Variants in FOXP1 observed in about 807,000 individuals in gnomAD.
FOXP1 encodes forkhead box protein P1.
A neutral mutation model predicts 98.2 loss-of-function variants in FOXP1; 15 were observed. The ratio of observed to expected loss-of-function variants is 0.15; its 90% CI spans 0.10 to 0.24. The LOEUF is 0.24. Ranked by LOEUF, FOXP1 falls within the 10% of genes least tolerant of loss-of-function variation. The pLI is 1.00. For missense variants in FOXP1, 633 were observed against 848.5 expected, an observed-to-expected ratio of 0.75 and a Z score of 3.15; for synonymous variants, 371 against 314.5, an observed-to-expected ratio of 1.18 and a Z score of -1.90.
intron 1 of FOXP1, chr3:71,583,358 C>CG (rs917440619): frequency 6.0e-5 from 47 of 777,982 alleles, no homozygotes; most frequent in Admixed American, 3.1e-4. Context: ...GGCCTCGACC[C>CG]GGGGGGGAGA....
chr3:71,045,030 G>A (rs1239834079), intron 10 of FOXP1, among the ~76,000 whole-genome samples: 2 of 152,094 alleles, frequency 1.3e-5, no homozygotes, highest in African/African-American at 4.8e-5. Context: ...GGAGTGGGGG[G>A]ACAAAACCAA....
intron 14 of FOXP1, among the ~76,000 whole-genome samples, chr3:70,982,751 G>C (rs2039079281): frequency 1.3e-5 from 2 of 149,242 alleles, no homozygotes; most frequent in South Asian, 4.2e-4. Context: ...CTCCCCTCCT[G>C]TTTAAAGATG....
At chr3:71,204,156 T>C (rs7428558) in intron 5 of FOXP1, among the ~76,000 whole-genome samples, 129,521 of 152,200 alleles carry the variant, frequency 0.85, 55,147 homozygotes, top group Admixed American at 0.91. Flanking sequence ...AAATTACTCA[T>C]GTTGCATCAT....
At chr3:71,444,848 C>G (rs2086267170) in intron 3 of FOXP1, among the ~76,000 whole-genome samples, 1 of 152,162 alleles carries the variant, frequency 6.6e-6, no homozygotes, top group Non-Finnish European at 1.5e-5. Flanking sequence ...GTACATGCCT[C>G]TGCTGTGACT....
At chr3:71,054,021 G>T (rs1187419953) in intron 7 of FOXP1, among the ~76,000 whole-genome samples, 2 of 152,190 alleles carry the variant, frequency 1.3e-5, no homozygotes, top group Non-Finnish European at 2.9e-5. Context: ...ACACAAAAAG[G>T]ACAAACTTAA....
intron 3 of FOXP1, among the ~76,000 whole-genome samples, chr3:71,475,756 C>A (rs577223176): frequency 5.3e-5 from 8 of 152,120 alleles, no homozygotes; most frequent in Admixed American, 3.9e-4. Context: ...GTAGGAGAAT[C>A]GATTGAACCC....
intron 5 of FOXP1, among the ~76,000 whole-genome samples, chr3:71,206,186 G>A (rs984597267): frequency 1.3e-5 from 2 of 152,070 alleles, no homozygotes; most frequent in African/African-American, 4.8e-5. Context: ...AAAATTCCAA[G>A]GCCAACCTCT....
At chr3:71,032,301 A>C (rs2046981628) in intron 11 of FOXP1, among the ~76,000 whole-genome samples, 1 of 152,236 alleles carries the variant, frequency 6.6e-6, no homozygotes. Context: ...GGCACTGAGG[A>C]GCCCAACAGG....
At chr3:71,134,025 A>AT (rs1360712470) in intron 6 of FOXP1, among the ~76,000 whole-genome samples, 3 of 152,082 alleles carry the variant, frequency 2.0e-5, no homozygotes, top group African/African-American at 7.2e-5. Flanking sequence ...TCCTTTGCCT[A>AT]TTCTGTCCCC....
intron 3 of FOXP1, among the ~76,000 whole-genome samples, chr3:71,420,162 C>A (rs2083525452): frequency 6.6e-6 from 1 of 151,924 alleles, no homozygotes; most frequent in African/African-American, 2.4e-5. Context: ...CCATTTACAG[C>A]CAAATTCTGA....
chr3:71,145,227 TA>T (rs532098262), intron 6 of FOXP1, among the ~76,000 whole-genome samples: 4 of 152,140 alleles, frequency 2.6e-5, no homozygotes, highest in African/African-American at 4.8e-5. Flanking sequence ...TATTTTTATT[TA>T]TTTATTTTTT....
intron 7 of FOXP1, among the ~76,000 whole-genome samples, chr3:71,094,269 T>C (rs886069389): frequency 8.6e-5 from 13 of 150,582 alleles, no homozygotes; most frequent in South Asian, 2.1e-4. Context: ...ATTCCCTTTT[T>C]TTTCTTTTCT....
intron 2 of FOXP1, among the ~76,000 whole-genome samples, chr3:71,505,052 T>C (rs2041702976): frequency 6.6e-6 from 1 of 152,216 alleles, no homozygotes; most frequent in Non-Finnish European, 1.5e-5. Context: ...GAGCCACATC[T>C]TTCTGAAACC....
chr3:71,454,046 C>T (rs2087200479), intron 3 of FOXP1, among the ~76,000 whole-genome samples: 1 of 152,196 alleles, frequency 6.6e-6, no homozygotes, highest in Admixed American at 6.5e-5. Flanking sequence ...AATATTTATA[C>T]TTTAGCAGGA....
At chr3:71,571,242 CT>C (rs965044895) in intron 2 of FOXP1, 1 of 152,144 alleles carries the variant, frequency 6.6e-6, no homozygotes, top group Non-Finnish European at 1.5e-5. Flanking sequence ...TATTACTTCT[CT>C]TTAAGTAAAC....
intron 5 of FOXP1, among the ~76,000 whole-genome samples, chr3:71,198,744 G>C (rs1249690880): frequency 6.6e-6 from 1 of 151,636 alleles, no homozygotes; most frequent in Non-Finnish European, 1.5e-5. Context: ...CCAGGCTGGA[G>C]TGCAGCGGTG....
At chr3:71,427,699 C>T (rs145643463) in intron 3 of FOXP1, among the ~76,000 whole-genome samples, 13 of 152,208 alleles carry the variant, frequency 8.5e-5, no homozygotes, top group East Asian at 5.8e-4. Context: ...AAGCGATGGA[C>T]GGAAGTCACA....
chr3:71,358,975 T>C (rs1480294145), intron 4 of FOXP1, among the ~76,000 whole-genome samples, 175 bp downstream of exon 4: 1 of 152,174 alleles, frequency 6.6e-6, no homozygotes, highest in Non-Finnish European at 1.5e-5. Context: ...TTGAAAACCA[T>C]AAAGCTATCA....
In FOXP1 at chr3:71,022,554, G is replaced by A. The variant is rs567359206; in HGVS notation, c.870-6901C>T. On this transcript the variant is annotated intron_variant, in intron 11 of 20. Coordinates refer to ENST00000649528, the MANE Select transcript of FOXP1 (RefSeq NM_001349338.3). ...ACTGAAAAACCTTTGCAGAATGAAT[G>A]TGCTATGTGGCTTTCTCTGCTTAAC... 1.1e-4 allele frequency among the ~76,000 whole-genome samples: 17 copies of A among 152,328 alleles called. No homozygotes were observed. In the South Asian group the frequency reaches 1.9e-3, roughly 17 times the overall value.
Sources: gnomAD v4.1 joint callset for allele counts (sites outside exome capture counted in the v4.1 genomes callset) on GRCh38, gnomAD v4.1.1 for gene constraint, MANE v1.5 for transcripts, NCBI Gene and HGNC (gene_info 2026-07-23, HGNC 2026-07-21) for gene names.